CCDC106: variants seen among roughly 807,000 people sequenced by gnomAD.
CCDC106 encodes the protein coiled-coil domain-containing protein 106.
A neutral mutation model predicts 24.7 loss-of-function variants in CCDC106; 17 were observed. The observed-to-expected ratio is 0.69, with a 90% confidence interval of 0.47 to 1.03. The LOEUF (loss-of-function observed/expected upper bound fraction) is 1.03, where lower values mean the gene tolerates loss of function less well. Among genes scored for constraint, CCDC106 ranks in the 50% least tolerant of loss-of-function variants. CCDC106 has a pLI of 0.00. For synonymous variants in CCDC106, 211 were observed against 161.3 expected, an observed-to-expected ratio of 1.31 and a Z score of -2.34; for missense variants, 337 against 388.9, an observed-to-expected ratio of 0.87 and a Z score of 1.12.
At position 55,653,096 on chromosome 19, in the gene CCDC106, T is replaced by G; in HGVS notation, c.*350T>G. 1 of 229,578 alleles carries G rather than the reference T, an allele frequency of 4.4e-6. No homozygotes were observed. The highest frequency in any genetic ancestry group is 8.5e-6 in the Non-Finnish European group (1 of 118,010). 14.2% of individuals were successfully genotyped at this position (229,578 alleles called of 1,614,324 possible). ...TGATTCCCGGACAGACCTCCCCAAC[T>G]CCGCGTGAGACAGAGAATTATTCAG... On this transcript the variant is annotated 3_prime_UTR_variant, in exon 5 of 5. Transcript: ENST00000586790.
In CCDC106 at chr19:55,651,313, G is replaced by A. The variant is rs1197243058; in HGVS notation, c.344G>A (p.Arg115Lys). Residue 115 changes from arginine to lysine, a missense_variant, in exon 4 of 5, where the codon AGG becomes AAG. Around this residue, in one of 2 missense-constraint regions of CCDC106, gnomAD observed 234 missense variants for 236.5 expected, o/e 0.99. Coordinates refer to ENST00000586790, the MANE Select transcript of CCDC106 (RefSeq NM_001370470.1). ...EDHCRMKPGP[R>K]RMEGDSRGGA... ...CACTGCCGGATGAAGCCTGGGCCCA[G>A]GCGGATGGAGGGGGACAGCCGTGGT... is the stretch of plus-strand genomic sequence containing the variant. 2 of 1,613,530 alleles carry A rather than the reference G, an allele frequency of 1.2e-6. No homozygotes were observed. The highest frequency in any genetic ancestry group is 1.7e-6 in the Non-Finnish European group (2 of 1,179,934).
rs201650679 is a variant in CCDC106 at position 55,651,520 on chromosome 19, G to A, written c.526+25G>A. ...GGTGAGTGGGGTGCATGGGGCGGGC[G>A]CTGAGGGGCCCGGGCTGCTGAATTG... is the stretch of plus-strand genomic sequence containing the variant. On this transcript the variant is annotated intron_variant, in intron 4 of 4. Transcript: ENST00000586790. 652 of 1,463,674 alleles carry A rather than the reference G, an allele frequency of 4.5e-4. 6 individuals are homozygous for A. The African/African-American group carries it at 8.3e-3, about 19-fold the overall frequency. 90.7% of individuals were successfully genotyped at this position (1,463,674 alleles called of 1,614,324 possible). A position where few individuals can be genotyped will look rare whatever the true frequency, so the allele number is the denominator to read the frequency against.
intron 3 of CCDC106, 148 bp downstream of exon 3, chr19:55,649,732 C>T: frequency 1.4e-6 from 1 of 697,088 alleles, no homozygotes. Context: ...TTTGGGCCCC[C>T]AGGCCCAGCT....
At chr19:55,651,660 CTTT>C (rs575404924) in intron 4 of CCDC106, among the ~76,000 whole-genome samples, 165 bp downstream of exon 4, 1 of 141,324 alleles carries the variant, frequency 7.1e-6, no homozygotes, top group African/African-American at 2.6e-5. Flanking sequence ...GGTTTACTTT[CTTT>C]TTTTTTTTTG....
At position 55,649,199 on chromosome 19, in the gene CCDC106, C is replaced by G. The variant is rs561015657; in HGVS notation, c.32-6C>G. On this transcript the variant is annotated splice_polypyrimidine_tract_variant and splice_region_variant and intron_variant, in intron 1 of 4. Transcript: ENST00000586790. Reference sequence around the variant, plus strand: ...TCTGGGGTAACCCGGGGCCTCTCCTCTCCAGTGAAGGACGATGAGACCTTC... The same window carrying G: ...TCTGGGGTAACCCGGGGCCTCTCCTGTCCAGTGAAGGACGATGAGACCTTC... 1.9e-6 allele frequency: 3 copies of G among 1,613,378 alleles called. No homozygotes were observed. The highest frequency in any genetic ancestry group is 2.5e-6 in the Non-Finnish European group (3 of 1,179,274).
Position 55,650,999 on chromosome 19 carries a change from G to A in CCDC106, c.314-284G>A, listed in dbSNP as rs567295864. Among the ~76,000 whole-genome samples, 14 of 152,250 alleles carry A rather than the reference G, an allele frequency of 9.2e-5. No homozygotes were observed. In the South Asian group the frequency reaches 1.7e-3, roughly 18 times the overall value. ...AATTTCTCCCTCCCCTATGGGAACC[G>A]CGCATAGTCACAGGGGTCCTGAGGC... On this transcript the variant is annotated intron_variant, in intron 3 of 4. Coordinates refer to ENST00000586790, the MANE Select transcript of CCDC106 (RefSeq NM_001370470.1).
Position 55,649,480 on chromosome 19 carries a change from A to T in CCDC106, c.209A>T (p.Glu70Val). 6.2e-7 allele frequency: 1 copy of T among 1,614,068 alleles called. No individual in the cohort carries two copies. Among genetic ancestry groups the T allele is most frequent in the Non-Finnish European group, 8.5e-7 (1 of 1,179,974 alleles). Residue 70 changes from glutamate (E) to valine (V), a missense_variant, in exon 3 of 5, where the codon GAG becomes GTG. Physicochemically the swap from Glu to Val is moderately radical, Grantham distance 121. Around this residue, in one of 2 missense-constraint regions of CCDC106, gnomAD observed 234 missense variants for 236.5 expected, o/e 0.99. Transcript: ENST00000586790. ...AAGACCCAGCTGCACATGGCTCTGG[A>T]GAGGAACTCCTGGCTGCAGAAGCGC... The part of the protein sequence containing the change: ...SVKTQLHMAL[E>V]RNSWLQKRIE...
Position 55,651,272 on chromosome 19 carries a change from C to T in CCDC106, c.314-11C>T. ...GTCCCTTGGTTCATGTGTGTGTCTC[C>T]ATCTCCCCAGAGGACCACTGCCGGA... is the stretch of plus-strand genomic sequence containing the variant. On this transcript the variant is annotated splice_polypyrimidine_tract_variant and intron_variant, in intron 3 of 4. Transcript: ENST00000586790. The T allele has an allele frequency of 6.3e-7, 1 of 1,599,676 alleles. No individual in the cohort carries two copies. The highest frequency in any genetic ancestry group is 8.6e-7 in the Non-Finnish European group (1 of 1,167,132).
Position 55,652,633 on chromosome 19 carries a change from C to G in CCDC106, c.730C>G (p.Leu244Val). 2 of 1,612,978 alleles carry G rather than the reference C, an allele frequency of 1.2e-6. No individual in the cohort carries two copies. The highest frequency in any genetic ancestry group is 1.7e-6 in the Non-Finnish European group (2 of 1,179,902). ...GTTCGACCCCTCCAAGGAGCGCCTGCTCGAGTACTCCCGCCGCTGCTTTCT... is the reference window on the plus strand; with the variant it reads ...GTTCGACCCCTCCAAGGAGCGCCTGGTCGAGTACTCCCGCCGCTGCTTTCT... ...GEFDPSKERLLEYSRRCFLAL... is the reference protein window; with the variant it reads ...GEFDPSKERLVEYSRRCFLAL... Residue 244 changes from leucine (L) to valine (V), a missense_variant, in exon 5 of 5, where the codon CTC becomes GTC. By Grantham distance (32) the Leu-to-Val change is conservative. Around this residue, in one of 2 missense-constraint regions of CCDC106, gnomAD observed 103 missense variants for 152.4 expected, o/e 0.68. Transcript: ENST00000586790. This position sits in a 1 kb window ranked among gnomAD's most constrained non-coding sequence, Gnocchi z 5.9.
chr19:55,651,620 C>T, intron 4 of CCDC106, 125 bp downstream of exon 4: 1 of 653,946 alleles, frequency 1.5e-6, no homozygotes, highest in Non-Finnish European at 2.6e-6. Context: ...CCACCGGGTT[C>T]TGTCTCTCCC....
At chr19:55,650,040 C>T (rs564408025) in intron 3 of CCDC106, among the ~76,000 whole-genome samples, 3 of 152,048 alleles carry the variant, frequency 2.0e-5, no homozygotes, top group Non-Finnish European at 2.9e-5. Context: ...TCCAGCCATC[C>T]GGCCTCCTCC....
Position 55,648,654 on chromosome 19 carries a change from A to G in CCDC106, c.-393A>G. ...TCCTTAGGCCTGGCAGTGGCCCGCG[A>G]TGAGAGAGGGTCCTTCCCCTTCAGG... is the stretch of plus-strand genomic sequence containing the variant. On this transcript the variant is annotated 5_prime_UTR_variant, in exon 1 of 5. An upstream start codon of the reference 5' UTR is lost. Coordinates refer to ENST00000586790, the MANE Select transcript of CCDC106 (RefSeq NM_001370470.1). The G allele has an allele frequency of 3.7e-6, 1 of 269,580 alleles. No homozygotes were observed. The highest frequency in any genetic ancestry group is 7.1e-6 in the Non-Finnish European group (1 of 140,912). The allele number at this position is 269,580 out of a possible 1,614,324, so 16.7% of individuals were successfully genotyped here.
chr19:55,653,034 C>G lies in CCDC106; in HGVS notation c.*288C>G. 1 of 379,832 alleles carries G rather than the reference C, an allele frequency of 2.6e-6. No homozygotes were observed. The highest frequency in any genetic ancestry group is 4.8e-6 in the Non-Finnish European group (1 of 210,390). The allele number at this position is 379,832 out of a possible 1,614,324, so 23.5% of individuals were successfully genotyped here. ...CCTCGAGTGGGGGACTGTACAGACC[C>G]CGTCTCCGCCCTGGCCCCGCGGAGG... On this transcript the variant is annotated 3_prime_UTR_variant, in exon 5 of 5. Coordinates refer to ENST00000586790, the MANE Select transcript of CCDC106 (RefSeq NM_001370470.1).
In CCDC106 at chr19:55,648,965, C is replaced by A; in HGVS notation, c.-82C>A. 7.2e-7 allele frequency: 1 copy of A among 1,384,910 alleles called. No individual in the cohort carries two copies. Among genetic ancestry groups the A allele is most frequent in the Non-Finnish European group, 1.0e-6 (1 of 974,150 alleles). The allele number at this position is 1,384,910 out of a possible 1,614,324, so 85.8% of individuals were successfully genotyped here. On this transcript the variant is annotated 5_prime_UTR_variant, in exon 1 of 5. The change creates a new upstream start codon in the 5' untranslated region. Coordinates refer to ENST00000586790, the MANE Select transcript of CCDC106 (RefSeq NM_001370470.1). The stretch of plus-strand genomic sequence containing the variant: ...CCCCAGGATGGACCCTCCAGTCCAT[C>A]TGCGTCTCTCCATTTGTGGCTGCCG...
At position 55,653,009 on chromosome 19, in the gene CCDC106, C is replaced by A. The variant is rs578232683; in HGVS notation, c.*263C>A. 686 of 492,438 alleles carry A rather than the reference C, an allele frequency of 1.4e-3. 2 individuals carry two copies. Among genetic ancestry groups the A allele is most frequent in the African/African-American group, 0.013 (619 of 49,454 alleles). 30.5% of individuals were successfully genotyped at this position (492,438 alleles called of 1,614,324 possible). A position where few individuals can be genotyped will look rare whatever the true frequency, so the allele number is the denominator to read the frequency against. On this transcript the variant is annotated 3_prime_UTR_variant, in exon 5 of 5. Coordinates refer to ENST00000586790, the MANE Select transcript of CCDC106 (RefSeq NM_001370470.1). ...AAAACCAGGCAGGCGGGTGCCCCCCCCTCGAGTGGGGGACTGTACAGACCC... is the reference window on the plus strand; with the variant it reads ...AAAACCAGGCAGGCGGGTGCCCCCCACTCGAGTGGGGGACTGTACAGACCC...
In CCDC106 at chr19:55,648,735, C is replaced by G; in HGVS notation, c.-312C>G. The G allele has an allele frequency of 2.1e-6, 1 of 486,664 alleles. No homozygotes were observed. The highest frequency in any genetic ancestry group is 3.7e-6 in the Non-Finnish European group (1 of 272,640). 30.1% of individuals were successfully genotyped at this position (486,664 alleles called of 1,614,324 possible). Reference sequence around the variant, plus strand: ...GGCACCCAGCAATTTAGGGCTTCAGCTTCCTTTTCCTTCGATACCCAGGAG... The same window carrying G: ...GGCACCCAGCAATTTAGGGCTTCAGGTTCCTTTTCCTTCGATACCCAGGAG... On this transcript the variant is annotated 5_prime_UTR_variant, in exon 1 of 5. Coordinates refer to ENST00000586790, the MANE Select transcript of CCDC106 (RefSeq NM_001370470.1).
upstream of CCDC106, chr19:55,648,202 G>A (rs971746592): frequency 4.6e-5 from 7 of 152,094 alleles, no homozygotes; most frequent in African/African-American, 1.7e-4. Context: ...GGCTCCCCGT[G>A]ACACTTTGCA....
At position 55,652,327 on chromosome 19, in the gene CCDC106, C is replaced by A; in HGVS notation, c.527-103C>A. ...CCACCTGCACCGGCCCGTGCCTCTG[C>A]TCGCCGAGATCCTTTCTTCCCATGG... On this transcript the variant is annotated intron_variant, in intron 4 of 4. Transcript: ENST00000586790. The surrounding 1 kb of genome is among the most constrained non-coding windows in gnomAD (Gnocchi z 5.9). 1 of 1,036,300 alleles carries A rather than the reference C, an allele frequency of 9.6e-7. No homozygotes were observed. The highest frequency in any genetic ancestry group is 1.4e-6 in the Non-Finnish European group (1 of 705,404). 64.2% of individuals were successfully genotyped at this position (1,036,300 alleles called of 1,614,324 possible). A position where few individuals can be genotyped will look rare whatever the true frequency, so the allele number is the denominator to read the frequency against.
At chr19:55,649,124 G>A in intron 1 of CCDC106, 47 bp downstream of exon 1, 4 of 1,612,844 alleles carry the variant, frequency 2.5e-6, no homozygotes, top group East Asian at 2.2e-5. Context: ...CAGTGCGGTC[G>A]GCTCCAGGCT....
Sources: allele counts gnomAD v4.1 joint callset (sites outside exome capture counted in the v4.1 genomes callset), GRCh38; gene constraint gnomAD v4.1.1; regional missense constraint gnomAD v4.1.1; non-coding constraint Gnocchi (gnomAD v3.1); transcripts MANE v1.5; gene names NCBI Gene and HGNC (gene_info 2026-07-23, HGNC 2026-07-21).